The following CR1L variants were observed in gnomAD, a reference collection of about 807,000 sequenced individuals.
CR1L encodes complement component receptor 1-like protein.
CR1L carries 59 observed loss-of-function variants against 62.3 expected under a neutral mutation model. That is an observed-to-expected ratio of 0.95 (90% confidence interval 0.77 to 1.18). CR1L has a LOEUF of 1.18. CR1L is among the 50% of genes most tolerant of loss of function. The pLI, the probability that CR1L is intolerant of heterozygous loss-of-function variation, is 0.00. For synonymous variants in CR1L, 279 were observed against 248.7 expected (o/e 1.12, Z -1.15); for missense variants, 700 against 702.8 (o/e 1.00, Z 0.04).
At chr1:207,721,342 C>G (rs558870696) in intron 11 of CR1L, among the ~76,000 whole-genome samples, 470 of 115,514 alleles carry the variant, frequency 4.1e-3, no homozygotes, top group African/African-American at 0.014. Context: ...TCCCTCCCCC[C>G]TCCCCCCACC....
At chr1:207,706,802 A>T (rs1394736601) in intron 9 of CR1L, among the ~76,000 whole-genome samples, 3 of 152,182 alleles carry the variant, frequency 2.0e-5, no homozygotes, top group Non-Finnish European at 2.9e-5. Flanking sequence ...AAGGAGAATG[A>T]TGAATTCCTA....
intron 1 of CR1L, chr1:207,657,233 G>A (rs1663330929): frequency 2.0e-6 from 3 of 1,504,666 alleles, no homozygotes; most frequent in East Asian, 2.3e-5. Flanking sequence ...TCCTGCACCT[G>A]GACCAGATCC....
intron 1 of CR1L, chr1:207,657,089 T>G (rs1663325739): frequency 3.1e-6 from 2 of 643,852 alleles, no homozygotes; most frequent in South Asian, 3.8e-5. Context: ...CCTTAATCTT[T>G]TACATTTCTT....
At chr1:207,714,396 A>G (rs191851861) in intron 10 of CR1L, among the ~76,000 whole-genome samples, 395 of 152,334 alleles carry the variant, frequency 2.6e-3, no homozygotes, top group African/African-American at 9.0e-3. Context: ...CACACCCAAC[A>G]GGAAGAGAGG....
At chr1:207,654,628 A>C (rs1322199498) in intron 1 of CR1L, among the ~76,000 whole-genome samples, 2 of 152,172 alleles carry the variant, frequency 1.3e-5, no homozygotes, top group Non-Finnish European at 2.9e-5. Flanking sequence ...TTCTGTTCTA[A>C]ATAATATTAA....
intron 7 of CR1L, among the ~76,000 whole-genome samples, 179 bp from the exon 8 acceptor site, chr1:207,699,010 A>G (rs1416617451): frequency 6.6e-6 from 1 of 151,942 alleles, no homozygotes; most frequent in Admixed American, 6.6e-5. Flanking sequence ...GCATTTTGCC[A>G]CTCTATATTG....
chr1:207,671,822 G>C (rs1663619217), intron 1 of CR1L, among the ~76,000 whole-genome samples: 1 of 150,814 alleles, frequency 6.6e-6, no homozygotes, highest in African/African-American at 2.5e-5. Flanking sequence ...TCAGGAGGCT[G>C]AGGCAGGAGA....
intron 1 of CR1L, among the ~76,000 whole-genome samples, chr1:207,670,928 T>C (rs1210486081): frequency 6.6e-6 from 1 of 151,126 alleles, no homozygotes; most frequent in Non-Finnish European, 1.5e-5. Context: ...TGCTTATGGA[T>C]GCTTCCGGTG....
At chr1:207,657,587 CA>C (rs201093456) in intron 1 of CR1L, among the ~76,000 whole-genome samples, 1 of 150,832 alleles carries the variant, frequency 6.6e-6, no homozygotes, top group Non-Finnish European at 1.5e-5. Flanking sequence ...TTTGAAAGAC[CA>C]AAAAAAATAA....
intron 1 of CR1L, among the ~76,000 whole-genome samples, chr1:207,675,632 A>G (rs931066983): frequency 1.3e-5 from 2 of 152,246 alleles, no homozygotes; most frequent in Non-Finnish European, 2.9e-5. Flanking sequence ...TTTAAGTCTA[A>G]TAAAATTGAC....
At chr1:207,717,775 TGCTTGTGAAAATG>T (rs1243363230) in intron 11 of CR1L, 84 bp downstream of exon 11, 2 of 1,529,684 alleles carry the variant, frequency 1.3e-6, no homozygotes, top group African/African-American at 2.7e-5. Context: ...CAGTCATTTT[TGCTTGTGAAAATG>T]GCTTTGCTGT....
At chr1:207,669,133 G>A (rs1663568110) in intron 1 of CR1L, 1 of 262,476 alleles carries the variant, frequency 3.8e-6, no homozygotes, top group Non-Finnish European at 7.4e-6. Context: ...GCCTTTGTCT[G>A]GAAGGAAGCG....
At chr1:207,655,800 TAAC>T (rs1663299481) in intron 1 of CR1L, among the ~76,000 whole-genome samples, 1 of 152,152 alleles carries the variant, frequency 6.6e-6, no homozygotes, top group South Asian at 2.1e-4. Flanking sequence ...TAATGAAAAA[TAAC>T]AATTTTCCAA....
chr1:207,722,407 A>G (rs1226290993), intron 11 of CR1L, among the ~76,000 whole-genome samples: 2 of 135,132 alleles, frequency 1.5e-5, no homozygotes, highest in Admixed American at 8.0e-5. Flanking sequence ...AGCTTTCTAC[A>G]TATGGCTAGC....
At chr1:207,694,312 G>T in intron 4 of CR1L, 41 bp from the exon 5 acceptor site, 1 of 1,608,672 alleles carries the variant, frequency 6.2e-7, no homozygotes, top group Non-Finnish European at 8.5e-7. Context: ...TGAGATTTTT[G>T]TCATTCATTA....
intron 9 of CR1L, among the ~76,000 whole-genome samples, chr1:207,701,890 C>A (rs749348868): frequency 2.6e-5 from 4 of 152,222 alleles, no homozygotes; most frequent in Non-Finnish European, 5.9e-5. Context: ...TCAAAGCACA[C>A]AAACAACCCT....
intron 7 of CR1L, among the ~76,000 whole-genome samples, chr1:207,698,740 C>T (rs1208331973): frequency 6.6e-6 from 1 of 152,198 alleles, no homozygotes. Context: ...CTTCTTCACG[C>T]CATCACAGAT....
chr1:207,723,616 A>C lies in CR1L; in HGVS notation c.1643-2A>C, dbSNP rs1188384680. On this transcript the variant is annotated splice_acceptor_variant, in intron 11 of 11. Transcript: ENST00000508064. LOFTEE classifies it high-confidence loss of function. ...TTTTTGTGACTTTTGTCTTCCTTTT[A>C]GGTTCACATGATGCTCTTATAGTTG... is the stretch of plus-strand genomic sequence containing the variant. The C allele has an allele frequency of 6.3e-7, 1 of 1,594,040 alleles. No homozygotes were observed.
In CR1L at chr1:207,715,836, C is replaced by T. The variant is rs374521215; in HGVS notation, c.1415-1628C>T. 9.9e-5 allele frequency among the ~76,000 whole-genome samples: 15 copies of T among 152,164 alleles called. No homozygotes were observed. The East Asian group carries it at 2.9e-3, about 29-fold the overall frequency. On this transcript the variant is annotated intron_variant, in intron 10 of 11. Transcript: ENST00000508064. ...TTCAGCCTCCCAGTAGTTGGGACTA[C>T]AGGTGCATGCCACCACACCTGGCTA...
Sources: allele counts gnomAD v4.1 joint callset (sites outside exome capture counted in the v4.1 genomes callset), GRCh38; gene constraint gnomAD v4.1.1; transcripts MANE v1.5; gene names NCBI Gene and HGNC (gene_info 2026-07-23, HGNC 2026-07-21).